The following FRMD4A variants were observed in gnomAD, a reference collection of about 807,000 sequenced individuals.
FRMD4A encodes the protein FERM domain containing 4A.
Under a neutral mutation model 129.1 loss-of-function variants are expected in FRMD4A, and 29 were observed. The ratio of observed to expected loss-of-function variants is 0.22; its 90% CI spans 0.17 to 0.31. FRMD4A has a LOEUF of 0.31. Ranked by LOEUF, FRMD4A falls within the 10% of genes least tolerant of loss-of-function variation. FRMD4A has a pLI of 1.00. For synonymous variants in FRMD4A, 634 were observed against 571.6 expected (o/e 1.11, Z -1.56); for missense variants, 1,272 against 1,375.8 (o/e 0.92, Z 1.19).
Position 13,967,177 on chromosome 10 carries a change from A to C in FRMD4A, c.46-108265T>G, listed in dbSNP as rs537653462. Reference sequence around the variant, plus strand: ...CGGTGAAACCCTGTCTCTACTAAAAATACAAAAAAATTAGCCAGGCTTGGT... The same window carrying C: ...CGGTGAAACCCTGTCTCTACTAAAACTACAAAAAAATTAGCCAGGCTTGGT... On this transcript the variant is annotated intron_variant, in intron 2 of 24. Coordinates refer to ENST00000357447, the MANE Select transcript of FRMD4A (RefSeq NM_018027.5). 4.0e-3 allele frequency among the ~76,000 whole-genome samples: 617 copies of C among 152,348 alleles called. 3 individuals are homozygous for C. The highest frequency in any genetic ancestry group is 6.1e-3 in the Non-Finnish European group (412 of 68,040).
chr10:14,182,566 T>C (rs1204387025), intron 2 of FRMD4A, among the ~76,000 whole-genome samples: 1 of 152,098 alleles, frequency 6.6e-6, no homozygotes, highest in Non-Finnish European at 1.5e-5. Flanking sequence ...AATTTTTTTT[T>C]TCTCTAATTG....
chr10:14,261,631 C>T (rs894532463), intron 2 of FRMD4A, among the ~76,000 whole-genome samples: 8 of 152,120 alleles, frequency 5.3e-5, no homozygotes, highest in Non-Finnish European at 8.8e-5. Flanking sequence ...TCTCTACAAC[C>T]CTGAGGGAGG....
chr10:13,649,867 TA>T (rs1312837844), intron 24 of FRMD4A, among the ~76,000 whole-genome samples: 1 of 152,152 alleles, frequency 6.6e-6, no homozygotes, highest in Non-Finnish European at 1.5e-5. Flanking sequence ...GTTGCCCTAG[TA>T]AAAACCTAAA....
At chr10:13,903,366 C>G (rs547921803) in intron 2 of FRMD4A, among the ~76,000 whole-genome samples, 4 of 152,256 alleles carry the variant, frequency 2.6e-5, no homozygotes, top group Non-Finnish European at 5.9e-5. Flanking sequence ...CAGGGATTTA[C>G]GTCCATTTGG....
intron 2 of FRMD4A, among the ~76,000 whole-genome samples, chr10:14,035,409 C>T (rs1833450799): frequency 6.9e-6 from 1 of 144,426 alleles, no homozygotes; most frequent in African/African-American, 2.5e-5. Context: ...AAGACTCCAT[C>T]TCAAAAACAA....
intron 2 of FRMD4A, among the ~76,000 whole-genome samples, chr10:13,953,017 G>A (rs529945190): frequency 2.6e-5 from 4 of 152,134 alleles, no homozygotes; most frequent in South Asian, 2.1e-4. Context: ...AAACTTTAAC[G>A]CTCAGTAGTT....
chr10:14,080,911 T>A (rs1330116427), intron 2 of FRMD4A, among the ~76,000 whole-genome samples: 1 of 151,846 alleles, frequency 6.6e-6, no homozygotes, highest in Non-Finnish European at 1.5e-5. Flanking sequence ...CACTCTGTTT[T>A]GCAGTGGGGA....
At chr10:14,039,591 C>T (rs1833699720) in intron 2 of FRMD4A, among the ~76,000 whole-genome samples, 1 of 152,068 alleles carries the variant, frequency 6.6e-6, no homozygotes, top group South Asian at 2.1e-4. Flanking sequence ...GCTAAACCTG[C>T]CTTCCATTCT....
intron 2 of FRMD4A, among the ~76,000 whole-genome samples, chr10:14,162,467 G>A (rs983001338): frequency 6.6e-6 from 1 of 152,202 alleles, no homozygotes; most frequent in African/African-American, 2.4e-5. Flanking sequence ...GAAAGCTGAT[G>A]GTCACATATG....
At chr10:13,739,835 C>G (rs1454612950) in intron 11 of FRMD4A, among the ~76,000 whole-genome samples, 1 of 152,254 alleles carries the variant, frequency 6.6e-6, no homozygotes, top group Non-Finnish European at 1.5e-5. Context: ...CGCGGTGGCT[C>G]ACGCCTATAA....
At chr10:13,906,998 G>A (rs987002143) in intron 2 of FRMD4A, among the ~76,000 whole-genome samples, 2 of 152,176 alleles carry the variant, frequency 1.3e-5, no homozygotes, top group South Asian at 2.1e-4. Flanking sequence ...ACTGTGTGGC[G>A]CAGTATTATC....
At chr10:13,882,932 T>G (rs559968870) in intron 2 of FRMD4A, among the ~76,000 whole-genome samples, 2 of 152,010 alleles carry the variant, frequency 1.3e-5, no homozygotes, top group East Asian at 3.9e-4. Flanking sequence ...GTCTCCCAAG[T>G]AGCCGGGACT....
intron 2 of FRMD4A, among the ~76,000 whole-genome samples, chr10:14,280,547 T>G (rs1845484154): frequency 6.6e-6 from 1 of 152,182 alleles, no homozygotes; most frequent in Non-Finnish European, 1.5e-5. Flanking sequence ...TTTTAAAAAT[T>G]AAATACAATC....
At chr10:13,880,879 T>C (rs74121759) in intron 2 of FRMD4A, among the ~76,000 whole-genome samples, 2,948 of 152,166 alleles carry the variant, frequency 0.019, 88 homozygotes, top group African/African-American at 0.066. Context: ...TCTAGCATCC[T>C]CTGTCACTTA....
chr10:14,073,544 G>A (rs2131719935), intron 2 of FRMD4A, among the ~76,000 whole-genome samples: 1 of 152,222 alleles, frequency 6.6e-6, no homozygotes, highest in Admixed American at 6.5e-5. Flanking sequence ...ACTGGGGGCT[G>A]GGGTCACTTA....
chr10:14,167,637 G>T (rs753361352), intron 2 of FRMD4A, among the ~76,000 whole-genome samples: 2 of 151,588 alleles, frequency 1.3e-5, no homozygotes, highest in East Asian at 1.9e-4. Context: ...GGATAAATAC[G>T]TGGGGGCTTA....
At chr10:13,964,363 G>A (rs1163291086) in intron 2 of FRMD4A, among the ~76,000 whole-genome samples, 1 of 151,908 alleles carries the variant, frequency 6.6e-6, no homozygotes, top group Non-Finnish European at 1.5e-5. Flanking sequence ...TTACAACTTT[G>A]GGGCCAGAAG....
intron 2 of FRMD4A, among the ~76,000 whole-genome samples, chr10:14,142,349 A>C (rs4748087): frequency 6.6e-6 from 1 of 151,944 alleles, no homozygotes; most frequent in South Asian, 2.1e-4. Flanking sequence ...GGAAACTGTC[A>C]GGCAATTTAA....
At chr10:14,305,647 A>C (rs1846325333) in intron 2 of FRMD4A, among the ~76,000 whole-genome samples, 1 of 152,240 alleles carries the variant, frequency 6.6e-6, no homozygotes, top group African/African-American at 2.4e-5. Flanking sequence ...GAGACTCTAT[A>C]AAAATTCTCT....
Sources: gnomAD v4.1 joint callset for allele counts (sites outside exome capture counted in the v4.1 genomes callset) on GRCh38, gnomAD v4.1.1 for gene constraint, MANE v1.5 for transcripts, NCBI Gene and HGNC (gene_info 2026-07-23, HGNC 2026-07-21) for gene names.